The following PVT1 variants were observed in gnomAD, a reference collection of about 807,000 sequenced individuals.
PVT1 encodes the protein Pvt1 oncogene.
At chr8:128,063,890 GTTAATTAGCTAGAT>G (rs1199331050) in intron 4 of PVT1, among the ~76,000 whole-genome samples, 1 of 152,174 alleles carries the variant, frequency 6.6e-6, no homozygotes, top group East Asian at 1.9e-4. Flanking sequence ...TAATGCACAT[GTTAATTAGCTAGAT>G]TTAGTAATTC....
intron 5 of PVT1, among the ~76,000 whole-genome samples, chr8:128,088,235 G>A (rs962606672): frequency 2.0e-5 from 3 of 152,198 alleles, no homozygotes; most frequent in African/African-American, 7.2e-5. Context: ...TGGCAGAATG[G>A]TGGAGGTCTT....
intron 2 of PVT1, among the ~76,000 whole-genome samples, chr8:127,864,582 C>G (rs1300920683): frequency 6.6e-6 from 1 of 151,868 alleles, no homozygotes; most frequent in African/African-American, 2.4e-5. Context: ...GAGTCTTGCT[C>G]TGTCACCCAG....
At chr8:128,067,177 T>A (rs1312621905) in intron 4 of PVT1, among the ~76,000 whole-genome samples, 1 of 152,194 alleles carries the variant, frequency 6.6e-6, no homozygotes, top group African/African-American at 2.4e-5. Flanking sequence ...ACAATCCTCA[T>A]GTTGAAGTCT....
intron 3 of PVT1, among the ~76,000 whole-genome samples, chr8:127,956,775 G>A (rs375312563): frequency 8.5e-5 from 13 of 152,336 alleles, no homozygotes; most frequent in African/African-American, 3.1e-4. Context: ...GAGCCACTGC[G>A]CCCTGCCAGT....
intron 2 of PVT1, among the ~76,000 whole-genome samples, chr8:127,811,737 G>A (rs1814597417): frequency 6.6e-6 from 1 of 151,954 alleles, no homozygotes. Context: ...ATATGTTTTT[G>A]TTTTTTGTTT....
intron 6 of PVT1, among the ~76,000 whole-genome samples, chr8:128,098,208 C>T (rs908783119): frequency 2.0e-5 from 3 of 152,138 alleles, no homozygotes; most frequent in African/African-American, 7.2e-5. Flanking sequence ...GGAACAGAGG[C>T]CCAGGGCTCT....
intron 4 of PVT1, among the ~76,000 whole-genome samples, chr8:128,041,100 G>C (rs181838709): frequency 1.3e-5 from 2 of 151,646 alleles, no homozygotes; most frequent in Non-Finnish European, 2.9e-5. Context: ...GTGTGTGCTT[G>C]TGTGTGATTG....
intron 2 of PVT1, among the ~76,000 whole-genome samples, chr8:127,860,142 C>G (rs1815204726): frequency 6.6e-6 from 1 of 152,184 alleles, no homozygotes; most frequent in African/African-American, 2.4e-5. Context: ...TGGGGCTGCT[C>G]TGTGAAGAGA....
At chr8:127,973,728 C>G (rs532638966) in intron 3 of PVT1, among the ~76,000 whole-genome samples, 2 of 132,170 alleles carry the variant, frequency 1.5e-5, no homozygotes, top group Non-Finnish European at 3.2e-5. Flanking sequence ...CCTGTAATCC[C>G]AGCACTTTGG....
intron 2 of PVT1, among the ~76,000 whole-genome samples, chr8:127,863,269 G>A (rs1281336599): frequency 6.6e-6 from 1 of 151,840 alleles, no homozygotes; most frequent in African/African-American, 2.4e-5. Context: ...CCGCCACTGC[G>A]CCAGCTAATT....
At chr8:127,855,659 G>A (rs73355265) in intron 2 of PVT1, among the ~76,000 whole-genome samples, 2,602 of 152,290 alleles carry the variant, frequency 0.017, 78 homozygotes, top group African/African-American at 0.059. Context: ...GTGAACTCCC[G>A]TCATGTCAGG....
At chr8:127,877,066 G>A (rs1471515138) in intron 2 of PVT1, among the ~76,000 whole-genome samples, 3 of 152,234 alleles carry the variant, frequency 2.0e-5, no homozygotes, top group African/African-American at 7.2e-5. Context: ...GCTGTGGGAT[G>A]TGGGAGAGGA....
At chr8:127,866,152 C>A (rs1038297060) in intron 2 of PVT1, among the ~76,000 whole-genome samples, 7 of 152,272 alleles carry the variant, frequency 4.6e-5, no homozygotes, top group Non-Finnish European at 7.3e-5. Flanking sequence ...TTCTCAGGAG[C>A]CCTTTACCAG....
chr8:127,991,149 T>C lies in PVT1; in HGVS notation n.912+1858T>C, dbSNP rs1166768062. On this transcript the variant is annotated intron_variant and non_coding_transcript_variant, in intron 4 of 10. Coordinates refer to ENST00000651587, the Ensembl canonical transcript of PVT1. ...TTTTTTTCTTTTCTTTCTTTTTTTT[T>C]TTTTTTTTTTTGAGACGGAATCTTG... 6.3e-4 allele frequency among the ~76,000 whole-genome samples: 91 copies of C among 145,324 alleles called. 5 individuals are homozygous for C. In the South Asian group the frequency reaches 0.016, roughly 25 times the overall value.
chr8:127,856,739 AT>A (rs1395755107), intron 2 of PVT1, among the ~76,000 whole-genome samples: 1 of 152,242 alleles, frequency 6.6e-6, no homozygotes, highest in African/African-American at 2.4e-5. Flanking sequence ...TATTGTCATT[AT>A]CCCCATTCAA....
chr8:127,886,057 A>G (rs7828463), intron 2 of PVT1, among the ~76,000 whole-genome samples: 106,805 of 151,878 alleles, frequency 0.7, 38,414 homozygotes, highest in African/African-American at 0.86. Flanking sequence ...AGATGGCACC[A>G]TTGCACTCCA....
At chr8:127,818,265 G>A (rs1814689342) in intron 2 of PVT1, among the ~76,000 whole-genome samples, 1 of 152,150 alleles carries the variant, frequency 6.6e-6, no homozygotes, top group Admixed American at 6.6e-5. Context: ...CCCCTGCCAA[G>A]ATACGCCTTT....
At chr8:127,985,002 C>CTTCT (rs1563657765) in intron 3 of PVT1, among the ~76,000 whole-genome samples, 1 of 122,390 alleles carries the variant, frequency 8.2e-6, no homozygotes, top group African/African-American at 3.4e-5. Flanking sequence ...TCTTTCCTTC[C>CTTCT]TTCCTTCCTT....
intron 3 of PVT1, among the ~76,000 whole-genome samples, chr8:127,969,467 C>T (rs192669365): frequency 2.3e-3 from 355 of 152,300 alleles, no homozygotes; most frequent in South Asian, 5.0e-3. Flanking sequence ...CACCACATAT[C>T]ATGTTCTGAA....
Sources: gnomAD v4.1 joint callset for allele counts (sites outside exome capture counted in the v4.1 genomes callset) on GRCh38, gnomAD v4.1.1 for gene constraint, MANE v1.5 for transcripts, NCBI Gene and HGNC (gene_info 2026-07-23, HGNC 2026-07-21) for gene names.